RNF144B: variants seen among roughly 807,000 people sequenced by gnomAD.
The protein encoded by RNF144B is ring finger protein 144B.
Under a neutral mutation model 40.2 loss-of-function variants are expected in RNF144B, and 25 were observed. That is an observed-to-expected ratio of 0.62 (90% CI 0.45 to 0.87). The LOEUF (loss-of-function observed/expected upper bound fraction) is 0.87, where lower values mean the gene tolerates loss of function less well. Ranked by LOEUF, RNF144B falls within the 40% of genes least tolerant of loss-of-function variation. The probability of loss-of-function intolerance (pLI) is 0.00; values close to 1 mark genes in which losing one functional copy is unlikely to be tolerated. For missense variants in RNF144B, 365 were observed against 373.7 expected (o/e 0.98, Z 0.19); for synonymous variants, 145 against 136.3 (o/e 1.06, Z -0.44).
At chr6:18,411,844 T>C (rs1795053868) in intron 2 of RNF144B, among the ~76,000 whole-genome samples, 1 of 152,080 alleles carries the variant, frequency 6.6e-6, no homozygotes, top group African/African-American at 2.4e-5. Flanking sequence ...GCACATCACT[T>C]AATAGAGAAA....
chr6:18,424,108 T>C (rs1001583875), intron 2 of RNF144B, among the ~76,000 whole-genome samples: 6 of 152,306 alleles, frequency 3.9e-5, no homozygotes, highest in African/African-American at 9.6e-5. Flanking sequence ...ATGCCAGTTT[T>C]CCCCCCTAGA....
rs139233357 is a variant in RNF144B at position 18,417,612 on chromosome 6, T to G, written c.166-9969T>G. 6.0e-4 allele frequency among the ~76,000 whole-genome samples: 91 copies of G among 152,206 alleles called. No individual in the cohort carries two copies. In the East Asian group the frequency reaches 0.017, roughly 29 times the overall value. On this transcript the variant is annotated intron_variant, in intron 2 of 7. Coordinates refer to ENST00000259939, the MANE Select transcript of RNF144B (RefSeq NM_182757.4). ...ACCATACACCTATAACAGCTGAAAC[T>G]ATAGAACTCTTAGAAGAAGAAAACA...
chr6:18,425,372 G>A lies in RNF144B; in HGVS notation c.166-2209G>A, dbSNP rs1758528416. ...ATGGAACAGGTGTGGCTGATGGAAG[G>A]CTGAGATGTCCTCAGCAGCAGAACA... On this transcript the variant is annotated intron_variant, in intron 2 of 7. Transcript: ENST00000259939. This position sits in a 1 kb window ranked among gnomAD's most constrained non-coding sequence, Gnocchi z 4.2. 6.6e-6 allele frequency among the ~76,000 whole-genome samples: 1 copy of A among 152,166 alleles called. No homozygotes were observed. The highest frequency in any genetic ancestry group is 2.4e-5 in the African/African-American group (1 of 41,430).
intron 6 of RNF144B, among the ~76,000 whole-genome samples, chr6:18,462,147 A>G (rs1197916695): frequency 1.3e-5 from 2 of 152,024 alleles, no homozygotes; most frequent in Non-Finnish European, 2.9e-5. Context: ...CTACCCCTCT[A>G]TTTATCTTTC....
intron 1 of RNF144B, among the ~76,000 whole-genome samples, chr6:18,397,160 GA>G (rs1794708806): frequency 6.6e-6 from 1 of 152,228 alleles, no homozygotes; most frequent in African/African-American, 2.4e-5. Flanking sequence ...ATGACATTAA[GA>G]AAGTGGATGT....
chr6:18,429,091 T>C (rs1332955889), intron 3 of RNF144B, among the ~76,000 whole-genome samples: 1 of 152,074 alleles, frequency 6.6e-6, no homozygotes, highest in Non-Finnish European at 1.5e-5. Flanking sequence ...CCAGCTACTC[T>C]GGAGGCTGAG....
rs1194333845 is a variant in RNF144B, at chr6:18,427,568, T to C, written c.166-13T>C. On this transcript the variant is annotated splice_polypyrimidine_tract_variant and intron_variant, in intron 2 of 7. Transcript: ENST00000259939. ...ATGGAATGGGCAATTGTCTTTTTTT[T>C]CTTAACTTCCAGTGCCTGAAACAGT... The C allele has an allele frequency of 3.1e-6, 5 of 1,601,018 alleles. No homozygotes were observed. In the African/African-American group the frequency reaches 4.0e-5, roughly 13 times the overall value.
intron 2 of RNF144B, among the ~76,000 whole-genome samples, chr6:18,426,444 G>T (rs1758555030): frequency 6.6e-6 from 1 of 152,190 alleles, no homozygotes; most frequent in East Asian, 1.9e-4. Context: ...TCAATTTCTT[G>T]TGCAGTTGCA....
Position 18,406,227 on chromosome 6 carries a change from AG to A in RNF144B, c.165+6534del. On this transcript the variant is annotated intron_variant, in intron 2 of 7. Coordinates refer to ENST00000259939, the MANE Select transcript of RNF144B (RefSeq NM_182757.4). The surrounding 1 kb of genome is among the most constrained non-coding windows in gnomAD (Gnocchi z 4.2). ...GTTTGTGCTATGGAAAAATAGGGTG[AG>A]GGGGGTCAGGAGTGCTGTGGGGAAG... 4.0e-6 allele frequency: 2 copies of A among 500,432 alleles called. No homozygotes were observed. Among genetic ancestry groups the A allele is most frequent in the Non-Finnish European group, 4.0e-6 (1 of 249,242 alleles). 31.0% of individuals were successfully genotyped at this position (500,432 alleles called of 1,614,324 possible).
intron 1 of RNF144B, among the ~76,000 whole-genome samples, chr6:18,388,486 G>A (rs1047338565): frequency 6.6e-6 from 1 of 152,178 alleles, no homozygotes; most frequent in East Asian, 1.9e-4. Context: ...GTGGGTAAGA[G>A]GCAAAAGGAA....
chr6:18,398,354 T>A lies in RNF144B; in HGVS notation c.-36-1145T>A, dbSNP rs1794731640. 6.6e-6 allele frequency among the ~76,000 whole-genome samples: 1 copy of A among 152,066 alleles called. No individual in the cohort carries two copies. The highest frequency in any genetic ancestry group is 2.4e-5 in the African/African-American group (1 of 41,418). On this transcript the variant is annotated intron_variant, in intron 1 of 7. Coordinates refer to ENST00000259939, the MANE Select transcript of RNF144B (RefSeq NM_182757.4). This position sits in a 1 kb window ranked among gnomAD's most constrained non-coding sequence, Gnocchi z 5.0. Reference sequence around the variant, plus strand: ...TATTCCACTGTATATATAGACCACATTTTGTTTGTTCTTCTGTCTTTTTAA... The same window carrying A: ...TATTCCACTGTATATATAGACCACAATTTGTTTGTTCTTCTGTCTTTTTAA...
rs1292180550 is a variant in RNF144B at position 18,466,112 on chromosome 6, A to G, written c.*1045A>G. 1 of 152,230 alleles carries G rather than the reference A, an allele frequency of 6.6e-6. No homozygotes were observed. The highest frequency in any genetic ancestry group is 1.5e-5 in the Non-Finnish European group (1 of 68,038). The allele number at this position is 152,230 out of a possible 1,614,324, so 9.4% of individuals were successfully genotyped here. ...TAAATGTTTACTTAAGAGCCATTCT[A>G]TCCTTTTGTGACTGAAATGGTTTAT... On this transcript the variant is annotated 3_prime_UTR_variant, in exon 8 of 8. Coordinates refer to ENST00000259939, the MANE Select transcript of RNF144B (RefSeq NM_182757.4).
Position 18,465,062 on chromosome 6 carries a change from A to G in RNF144B, c.907A>G (p.Thr303Ala), listed in dbSNP as rs746487935. 3.1e-6 allele frequency: 5 copies of G among 1,613,674 alleles called. No homozygotes were observed. In the Admixed American group the frequency reaches 8.3e-5, roughly 27 times the overall value. The change falls in exon 8 of 8, where the codon ACC becomes GCC. Residue 303 changes from threonine to alanine, a missense_variant. Thr to Ala is a moderately conservative substitution (Grantham distance 58). Transcript: ENST00000259939. ...GAAGAAAAAGCACGACCCATCCACA[A>G]CCTAAAGATCTCTGTGTTCATACGC... Reference protein sequence around the residue: ...GKKKKHDPSTT With the variant: ...GKKKKHDPSTA
chr6:18,454,616 G>A (rs1027467198), intron 4 of RNF144B, among the ~76,000 whole-genome samples: 1 of 152,306 alleles, frequency 6.6e-6, no homozygotes, highest in East Asian at 1.9e-4. Context: ...CGGAAGTTCA[G>A]TGTTTTCTCT....
In RNF144B at chr6:18,456,250, T is replaced by C. The variant is rs1759323620; in HGVS notation, c.332-905T>C. 6.6e-6 allele frequency among the ~76,000 whole-genome samples: 1 copy of C among 152,182 alleles called. No individual in the cohort carries two copies. The highest frequency in any genetic ancestry group is 6.5e-5 in the Admixed American group (1 of 15,272). ...ATGTGGGTCTTTCACACATTGTCCC[T>C]AAGTTGCACATTGGTAGGGAGCAGA... On this transcript the variant is annotated intron_variant, in intron 4 of 7. Coordinates refer to ENST00000259939, the MANE Select transcript of RNF144B (RefSeq NM_182757.4). This position sits in a 1 kb window ranked among gnomAD's most constrained non-coding sequence, Gnocchi z 4.7.
At chr6:18,426,904 G>T (rs1408623745) in intron 2 of RNF144B, among the ~76,000 whole-genome samples, 1 of 151,228 alleles carries the variant, frequency 6.6e-6, no homozygotes, top group Non-Finnish European at 1.5e-5. Flanking sequence ...TTCCCCAGGG[G>T]ACCAGTGCCT....
At chr6:18,439,065 A>G (rs1382222603) in intron 3 of RNF144B, among the ~76,000 whole-genome samples, 1 of 152,164 alleles carries the variant, frequency 6.6e-6, no homozygotes, top group Non-Finnish European at 1.5e-5. Flanking sequence ...CCTTTGGTTT[A>G]TGTTGCCATC....
chr6:18,396,320 T>C, intron 1 of RNF144B: 1 of 854,374 alleles, frequency 1.2e-6, no homozygotes, highest in Non-Finnish European at 1.4e-6. Context: ...AATATGTCTT[T>C]CAAGAGTATC....
chr6:18,434,840 C>T lies in RNF144B; in HGVS notation c.271-4844C>T, dbSNP rs748511207. On this transcript the variant is annotated intron_variant, in intron 3 of 7. Coordinates refer to ENST00000259939, the MANE Select transcript of RNF144B (RefSeq NM_182757.4). The surrounding 1 kb of genome is among the most constrained non-coding windows in gnomAD (Gnocchi z 4.1). ...GTTTCACCTTGTTAGCCAGGATGGT[C>T]TCAATCTCCTGACCTCGTGATCCAC... Among the ~76,000 whole-genome samples, 1 of 152,246 alleles carries T rather than the reference C, an allele frequency of 6.6e-6. No homozygotes were observed. Among genetic ancestry groups the T allele is most frequent in the Middle Eastern group, 3.4e-3 (1 of 294 alleles).
Sources: gnomAD v4.1 joint callset for allele counts (sites outside exome capture counted in the v4.1 genomes callset) on GRCh38, gnomAD v4.1.1 for gene constraint, Gnocchi (gnomAD v3.1) non-coding constraint, MANE v1.5 for transcripts, NCBI Gene and HGNC (gene_info 2026-07-23, HGNC 2026-07-21) for gene names.